Variants in GRM7 observed in about 807,000 individuals in gnomAD.
GRM7 encodes the protein glutamate metabotropic receptor 7.
A neutral mutation model predicts 84.5 loss-of-function variants in GRM7; 35 were observed. That is an observed-to-expected ratio of 0.41 (90% CI 0.32 to 0.55). GRM7 has a LOEUF of 0.55. Among genes scored for constraint, GRM7 ranks in the 20% least tolerant of loss-of-function variants. The pLI, the probability that GRM7 is intolerant of heterozygous loss-of-function variation, is 0.19. For missense variants in GRM7, 1,003 were observed against 1,194.6 expected (o/e 0.84, Z 2.36); for synonymous variants, 487 against 455.1 (o/e 1.07, Z -0.89).
chr3:7,604,647 G>A (rs1696476751), intron 8 of GRM7, among the ~76,000 whole-genome samples: 1 of 152,142 alleles, frequency 6.6e-6, no homozygotes, highest in East Asian at 1.9e-4. Flanking sequence ...CTGATTAACA[G>A]AACATCATCC....
chr3:7,000,377 G>A (rs1694969703), intron 1 of GRM7, among the ~76,000 whole-genome samples: 1 of 151,880 alleles, frequency 6.6e-6, no homozygotes, highest in African/African-American at 2.4e-5. Flanking sequence ...AGTAGAGACA[G>A]GATTTCACCA....
At chr3:7,434,413 C>T (rs1696957496) in intron 5 of GRM7, among the ~76,000 whole-genome samples, 1 of 152,108 alleles carries the variant, frequency 6.6e-6, no homozygotes, top group South Asian at 2.1e-4. Flanking sequence ...ATGATCACAG[C>T]TGTAGAGATT....
intron 2 of GRM7, among the ~76,000 whole-genome samples, chr3:7,277,498 A>G (rs1305231980): frequency 6.6e-6 from 1 of 152,102 alleles, no homozygotes; most frequent in Admixed American, 6.6e-5. Context: ...CACTGCTCAG[A>G]TAAATGAAAG....
In GRM7 at chr3:6,861,556, C is replaced by A; in HGVS notation, c.168C>A (p.Pro56=). 1 of 1,593,344 alleles carries A rather than the reference C, an allele frequency of 6.3e-7. No homozygotes were observed. The highest frequency in any genetic ancestry group is 2.3e-5 in the East Asian group (1 of 44,128). The change falls in exon 1 of 10, where the codon CCC becomes CCA. Residue 56 remains proline, a synonymous_variant. Coordinates refer to ENST00000357716, the MANE Select transcript of GRM7 (RefSeq NM_000844.4). The surrounding 1 kb of genome is among the most constrained non-coding windows in gnomAD (Gnocchi z 6.4). Reference sequence around the variant, plus strand: ...ACGTCACCCTCGGGGGGCTGTTCCCCGTGCACGCCAAGGGTCCCAGCGGAG... The same window carrying A: ...ACGTCACCCTCGGGGGGCTGTTCCCAGTGCACGCCAAGGGTCCCAGCGGAG... ...EGDVTLGGLF[P]VHAKGPSGVP... is the part of the protein sequence containing the mutation.
chr3:7,497,717 G>C (rs1699754881), intron 7 of GRM7, among the ~76,000 whole-genome samples: 1 of 152,108 alleles, frequency 6.6e-6, no homozygotes, highest in East Asian at 1.9e-4. Context: ...TAAGAAAAGA[G>C]CATAAATTTG....
Position 7,238,995 on chromosome 3 carries a change from TC to T in GRM7, c.737-59687del, listed in dbSNP as rs367612700. ...ATTCTTTTCCCTTTCTTTTCTTTTT[TC>T]CTTTTTCTTTTTTTTGACATGGTCT... On this transcript the variant is annotated intron_variant, in intron 2 of 9. Coordinates refer to ENST00000357716, the MANE Select transcript of GRM7 (RefSeq NM_000844.4). Among the ~76,000 whole-genome samples, 445 of 96,296 alleles carry T rather than the reference TC, an allele frequency of 4.6e-3. 28 individuals carry two copies. Among genetic ancestry groups the T allele is most frequent in the Admixed American group, 0.011 (86 of 7,764 alleles). 63.2% of individuals were successfully genotyped at this position (96,296 alleles called of 152,430 possible).
intron 7 of GRM7, among the ~76,000 whole-genome samples, chr3:7,529,263 T>G (rs1272238102): frequency 6.6e-6 from 1 of 152,146 alleles, no homozygotes; most frequent in Non-Finnish European, 1.5e-5. Flanking sequence ...ACATCTCCAG[T>G]ATGTAGCCTA....
At chr3:7,527,234 C>A (rs561519432) in intron 7 of GRM7, among the ~76,000 whole-genome samples, 1 of 151,892 alleles carries the variant, frequency 6.6e-6, no homozygotes, top group Non-Finnish European at 1.5e-5. Context: ...TTCTAGAGAT[C>A]TTTCACCCCC....
intron 1 of GRM7, among the ~76,000 whole-genome samples, chr3:6,979,094 T>C (rs890990451): frequency 6.6e-6 from 1 of 152,094 alleles, no homozygotes; most frequent in African/African-American, 2.4e-5. Flanking sequence ...CTTTCATTGA[T>C]CAGTAAGTAT....
intron 1 of GRM7, among the ~76,000 whole-genome samples, chr3:6,903,448 A>C (rs1056890083): frequency 1.3e-5 from 2 of 152,124 alleles, no homozygotes; most frequent in African/African-American, 4.8e-5. Context: ...ATAGTTTTAA[A>C]ATACATCTCT....
intron 1 of GRM7, among the ~76,000 whole-genome samples, chr3:7,057,119 A>T (rs1697253508): frequency 6.6e-6 from 1 of 151,968 alleles, no homozygotes; most frequent in Non-Finnish European, 1.5e-5. Flanking sequence ...CTAGGCTAAC[A>T]AAGTAAGTGT....
At chr3:6,995,769 T>G (rs2124865831) in intron 1 of GRM7, among the ~76,000 whole-genome samples, 1 of 152,284 alleles carries the variant, frequency 6.6e-6, no homozygotes, top group African/African-American at 2.4e-5. Context: ...TTTGAAAGGC[T>G]ATAGTGATCA....
chr3:7,211,976 G>T (rs1251640572), intron 2 of GRM7, among the ~76,000 whole-genome samples: 2 of 150,890 alleles, frequency 1.3e-5, no homozygotes, highest in African/African-American at 4.9e-5. Context: ...ATTAACTGAT[G>T]CAGTTCCCTC....
At chr3:7,195,033 A>G (rs764342322) in intron 2 of GRM7, among the ~76,000 whole-genome samples, 1 of 152,122 alleles carries the variant, frequency 6.6e-6, no homozygotes. Context: ...ATGTTTATTA[A>G]GTTATTGTTA....
In GRM7 at chr3:7,181,618, T is replaced by C. The variant is rs554073735; in HGVS notation, c.736+34950T>C. ...ATGATTTAAAATATTTATTTATTTA[T>C]TTATTTTTGAGGCAGAGTCTTGCTC... On this transcript the variant is annotated intron_variant, in intron 2 of 9. Transcript: ENST00000357716. Among the ~76,000 whole-genome samples the C allele has an allele frequency of 2.0e-4, 31 of 152,210 alleles. No homozygotes were observed. The South Asian group carries it at 5.0e-3, about 24-fold the overall frequency.
intron 8 of GRM7, among the ~76,000 whole-genome samples, chr3:7,657,865 G>A (rs995715981): frequency 6.6e-6 from 1 of 152,154 alleles, no homozygotes; most frequent in Non-Finnish European, 1.5e-5. Flanking sequence ...TGGAGCACTG[G>A]TCTCAATATA....
intron 1 of GRM7, among the ~76,000 whole-genome samples, chr3:7,098,259 T>C (rs1269886438): frequency 6.6e-6 from 1 of 152,030 alleles, no homozygotes; most frequent in Non-Finnish European, 1.5e-5. Context: ...CCATTTGAAA[T>C]CCAATACACA....
At chr3:7,315,949 G>A (rs959834090) in intron 4 of GRM7, among the ~76,000 whole-genome samples, 2 of 152,154 alleles carry the variant, frequency 1.3e-5, no homozygotes, top group African/African-American at 2.4e-5. Context: ...AATAGAGCAG[G>A]AAAAGGGAAA....
intron 7 of GRM7, among the ~76,000 whole-genome samples, chr3:7,497,425 A>C (rs1175854359): frequency 6.6e-6 from 1 of 152,148 alleles, no homozygotes; most frequent in African/African-American, 2.4e-5. Context: ...CCATGATCAA[A>C]AGCAACTGGT....
Sources: allele counts gnomAD v4.1 joint callset (sites outside exome capture counted in the v4.1 genomes callset), GRCh38; gene constraint gnomAD v4.1.1; non-coding constraint Gnocchi (gnomAD v3.1); transcripts MANE v1.5; gene names NCBI Gene and HGNC (gene_info 2026-07-23, HGNC 2026-07-21).